VTI1A: variants seen among roughly 807,000 people sequenced by gnomAD.
VTI1A encodes the protein vesicle transport through interaction with t-SNAREs 1A, also known as vesicle transport through interaction with t-SNAREs homolog 1A.
In VTI1A, 22 loss-of-function variants were observed where a neutral mutation model predicts 34.9. That is an observed-to-expected ratio of 0.63 (90% CI 0.45 to 0.90). The LOEUF (loss-of-function observed/expected upper bound fraction) is 0.90. Among genes scored for constraint, VTI1A ranks in the 40% least tolerant of loss-of-function variants. The pLI is 0.00. For synonymous variants in VTI1A, 87 were observed against 97.3 expected (o/e 0.89, Z 0.62); for missense variants, 268 against 275.6 (o/e 0.97, Z 0.20).
At position 112,582,240 on chromosome 10, in the gene VTI1A, G is replaced by C. The variant is rs1051228276; in HGVS notation, c.427+43910G>C. Among the ~76,000 whole-genome samples the C allele has an allele frequency of 8.4e-4, 128 of 152,168 alleles. 1 individual carries two copies. Among genetic ancestry groups the C allele is most frequent in the African/African-American group, 3.0e-3 (125 of 41,526 alleles). ...CACTCTCTCCTGTCTCTTCTTATGCGGGCACTAATCCATCATGCAGACCTC... is the reference window on the plus strand; with the variant it reads ...CACTCTCTCCTGTCTCTTCTTATGCCGGCACTAATCCATCATGCAGACCTC... On this transcript the variant is annotated intron_variant, in intron 5 of 7. Coordinates refer to ENST00000393077, the MANE Select transcript of VTI1A (RefSeq NM_145206.4).
At chr10:112,535,210 A>G (rs1194682345) in intron 4 of VTI1A, among the ~76,000 whole-genome samples, 2 of 152,228 alleles carry the variant, frequency 1.3e-5, no homozygotes, top group African/African-American at 2.4e-5. Context: ...TTGAATTATA[A>G]TTGGAAAAAT....
At chr10:112,500,980 A>G (rs1015898270) in intron 3 of VTI1A, among the ~76,000 whole-genome samples, 1 of 152,144 alleles carries the variant, frequency 6.6e-6, no homozygotes, top group Non-Finnish European at 1.5e-5. Flanking sequence ...GATTCAACCA[A>G]GTTAGTTCCT....
At chr10:112,480,542 G>A (rs1411643437) in intron 3 of VTI1A, among the ~76,000 whole-genome samples, 1 of 152,156 alleles carries the variant, frequency 6.6e-6, no homozygotes, top group East Asian at 1.9e-4. Context: ...ATGTGCATGT[G>A]CGTGTAGGCA....
intron 5 of VTI1A, among the ~76,000 whole-genome samples, chr10:112,644,120 G>T (rs1224227376): frequency 6.6e-6 from 1 of 152,176 alleles, no homozygotes; most frequent in Non-Finnish European, 1.5e-5. Context: ...TCTGCAAAGT[G>T]CACCTGGCAA....
At chr10:112,663,566 C>T (rs1397068885) in intron 5 of VTI1A, among the ~76,000 whole-genome samples, 2 of 152,130 alleles carry the variant, frequency 1.3e-5, no homozygotes, top group Non-Finnish European at 2.9e-5. Context: ...CTCTCTTTTC[C>T]ATTGTGATAT....
intron 5 of VTI1A, among the ~76,000 whole-genome samples, chr10:112,647,903 G>A (rs888690334): frequency 1.3e-5 from 2 of 152,118 alleles, no homozygotes; most frequent in Non-Finnish European, 2.9e-5. Context: ...CTAAGTAGCT[G>A]GGACTACAAG....
At chr10:112,756,155 A>G (rs776170512) in intron 7 of VTI1A, among the ~76,000 whole-genome samples, 3 of 152,216 alleles carry the variant, frequency 2.0e-5, no homozygotes, top group Non-Finnish European at 4.4e-5. Context: ...GAAAGGGGTA[A>G]AAGTTATTAC....
At chr10:112,621,604 C>T (rs1162198644) in intron 5 of VTI1A, among the ~76,000 whole-genome samples, 5 of 152,186 alleles carry the variant, frequency 3.3e-5, no homozygotes, top group Non-Finnish European at 7.3e-5. Flanking sequence ...GGGAACCATT[C>T]CACCACACTG....
At chr10:112,632,909 G>A (rs939106165) in intron 5 of VTI1A, among the ~76,000 whole-genome samples, 2 of 152,144 alleles carry the variant, frequency 1.3e-5, no homozygotes, top group Non-Finnish European at 2.9e-5. Context: ...TAATGCCTGG[G>A]TATTTACAAA....
chr10:112,629,903 T>A (rs1173295773), intron 5 of VTI1A, among the ~76,000 whole-genome samples: 2 of 152,118 alleles, frequency 1.3e-5, no homozygotes, highest in Non-Finnish European at 2.9e-5. Flanking sequence ...TGGAGTACAG[T>A]GGACAACTTT....
the VTI1A span, among the ~76,000 whole-genome samples, chr10:112,829,798 T>A: frequency 6.6e-6 from 1 of 152,140 alleles, no homozygotes; most frequent in African/African-American, 2.4e-5. Flanking sequence ...AAATGGAGAC[T>A]ATGAGAAATG....
chr10:112,655,368 T>G (rs1232814288), intron 5 of VTI1A, among the ~76,000 whole-genome samples: 1 of 151,990 alleles, frequency 6.6e-6, no homozygotes, highest in African/African-American at 2.4e-5. Context: ...TGTGTATATG[T>G]GGTGGGGTGG....
At chr10:112,449,735 A>G (rs1169204298) in intron 1 of VTI1A, 1 of 152,176 alleles carries the variant, frequency 6.6e-6, no homozygotes, top group East Asian at 1.9e-4. Context: ...CCTGGGCGAC[A>G]AGAGCGAAAC....
At chr10:112,731,575 CAA>C (rs34452346) in intron 7 of VTI1A, among the ~76,000 whole-genome samples, 94 of 116,934 alleles carry the variant, frequency 8.0e-4, no homozygotes, top group African/African-American at 1.6e-3. Flanking sequence ...AACTCCATCT[CAA>C]AAAAAAAAAA....
chr10:112,595,767 A>G, intron 5 of VTI1A, among the ~76,000 whole-genome samples: 1 of 150,662 alleles, frequency 6.6e-6, no homozygotes, highest in African/African-American at 2.5e-5. Context: ...TTCCTCAGGG[A>G]TCTAGAACTA....
chr10:112,570,092 T>A (rs117579462), intron 5 of VTI1A, among the ~76,000 whole-genome samples: 1,623 of 152,322 alleles, frequency 0.011, 25 homozygotes, highest in Non-Finnish European at 0.018. Flanking sequence ...TACAATTATA[T>A]GGCCCTTGCT....
At chr10:112,695,060 TA>T (rs1337753449) in intron 7 of VTI1A, among the ~76,000 whole-genome samples, 1 of 152,220 alleles carries the variant, frequency 6.6e-6, no homozygotes, top group Non-Finnish European at 1.5e-5. Flanking sequence ...GGATGCCCTT[TA>T]AATTATGTGG....
chr10:112,613,326 C>T (rs1845390840), intron 5 of VTI1A, among the ~76,000 whole-genome samples: 1 of 152,088 alleles, frequency 6.6e-6, no homozygotes, highest in South Asian at 2.1e-4. Flanking sequence ...CACTTTGGCT[C>T]CTAGAATTTT....
intron 3 of VTI1A, among the ~76,000 whole-genome samples, chr10:112,480,479 G>T (rs117527765): frequency 6.6e-6 from 1 of 152,090 alleles, no homozygotes; most frequent in South Asian, 2.1e-4. Context: ...AGATGGGATC[G>T]TACGTGGAAA....
Sources: gnomAD v4.1 joint callset for allele counts (sites outside exome capture counted in the v4.1 genomes callset) on GRCh38, gnomAD v4.1.1 for gene constraint, MANE v1.5 for transcripts, NCBI Gene and HGNC (gene_info 2026-07-23, HGNC 2026-07-21) for gene names.